KCNIP4: variants seen among roughly 807,000 people sequenced by gnomAD.
The protein encoded by KCNIP4 is potassium voltage-gated channel interacting protein 4, also known as Kv channel-interacting protein 4.
Under a neutral mutation model 34.0 loss-of-function variants are expected in KCNIP4, and 12 were observed. That is an observed-to-expected ratio of 0.35 (90% CI 0.23 to 0.57). The LOEUF (loss-of-function observed/expected upper bound fraction) is 0.57. Among genes scored for constraint, KCNIP4 ranks in the 20% least tolerant of loss-of-function variants. The probability of loss-of-function intolerance (pLI) is 0.83; values close to 1 mark genes in which losing one functional copy is unlikely to be tolerated. For missense variants in KCNIP4, 238 were observed against 311.7 expected (o/e 0.76, Z 1.78); for synonymous variants, 124 against 102.2 (o/e 1.21, Z -1.29).
At chr4:21,901,407 T>C (rs1359811302) in intron 1 of KCNIP4, among the ~76,000 whole-genome samples, 4 of 152,210 alleles carry the variant, frequency 2.6e-5, no homozygotes, top group Non-Finnish European at 4.4e-5. Flanking sequence ...TTTATATACA[T>C]AAAATAAGAG....
intron 1 of KCNIP4, among the ~76,000 whole-genome samples, chr4:21,771,482 T>G (rs932994317): frequency 6.6e-6 from 1 of 152,110 alleles, no homozygotes; most frequent in Non-Finnish European, 1.5e-5. Context: ...CTGTGAAGAA[T>G]GTCAATGGTA....
At chr4:20,795,830 T>C (rs187096939) in intron 3 of KCNIP4, among the ~76,000 whole-genome samples, 8 of 152,306 alleles carry the variant, frequency 5.3e-5, no homozygotes, top group Admixed American at 4.6e-4. Flanking sequence ...TTTTTCAGAG[T>C]TTAGTATTTC....
At chr4:21,915,985 G>A (rs1310822170) in intron 1 of KCNIP4, among the ~76,000 whole-genome samples, 1 of 152,194 alleles carries the variant, frequency 6.6e-6, no homozygotes, top group Non-Finnish European at 1.5e-5. Flanking sequence ...ACCAGCTGTT[G>A]TTACAAACTG....
intron 1 of KCNIP4, among the ~76,000 whole-genome samples, chr4:21,015,891 A>G (rs894309398): frequency 6.3e-5 from 9 of 142,514 alleles, no homozygotes. Flanking sequence ...TATATACAAT[A>G]TATACAATAT....
intron 1 of KCNIP4, among the ~76,000 whole-genome samples, chr4:21,064,684 T>C (rs564224592): frequency 1.0e-3 from 153 of 152,202 alleles, no homozygotes; most frequent in Non-Finnish European, 2.0e-3. Flanking sequence ...TAGTTGAGGC[T>C]GTAATAATAA....
At chr4:21,886,828 T>TTC (rs1726793726) in intron 1 of KCNIP4, among the ~76,000 whole-genome samples, 1 of 152,184 alleles carries the variant, frequency 6.6e-6, no homozygotes, top group Non-Finnish European at 1.5e-5. Context: ...CTCTTCTTTT[T>TTC]ATTTTTCATT....
chr4:21,019,463 C>A (rs895321183), intron 1 of KCNIP4, among the ~76,000 whole-genome samples: 7 of 152,044 alleles, frequency 4.6e-5, no homozygotes, highest in Non-Finnish European at 7.4e-5. Flanking sequence ...CAGCCAATAA[C>A]CTCATATTAA....
At chr4:20,932,205 AAT>A (rs1243429506) in intron 1 of KCNIP4, among the ~76,000 whole-genome samples, 5 of 98,942 alleles carry the variant, frequency 5.1e-5, no homozygotes, top group African/African-American at 2.3e-4. Flanking sequence ...TGTAGACTAT[AAT>A]AGTCTATAAG....
At chr4:21,537,840 C>A (rs937318066) in intron 1 of KCNIP4, among the ~76,000 whole-genome samples, 9 of 151,630 alleles carry the variant, frequency 5.9e-5, no homozygotes, top group African/African-American at 2.2e-4. Flanking sequence ...GATGAAACCC[C>A]ATCTCTACTA....
intron 1 of KCNIP4, among the ~76,000 whole-genome samples, chr4:21,838,004 A>T (rs1242695130): frequency 1.3e-5 from 2 of 152,190 alleles, no homozygotes; most frequent in Non-Finnish European, 2.9e-5. Context: ...TAAATAATGA[A>T]TTATTACAAA....
intron 1 of KCNIP4, among the ~76,000 whole-genome samples, chr4:21,386,722 C>G (rs999109302): frequency 2.0e-5 from 3 of 152,022 alleles, no homozygotes; most frequent in Non-Finnish European, 2.9e-5. Flanking sequence ...GGAGGGGACA[C>G]GACTAACATT....
chr4:21,367,729 T>C (rs1719928505), intron 1 of KCNIP4, among the ~76,000 whole-genome samples: 1 of 146,760 alleles, frequency 6.8e-6, no homozygotes, highest in Non-Finnish European at 1.5e-5. Flanking sequence ...TGTGTAGGAG[T>C]TCCTGTTAAA....
intron 1 of KCNIP4, among the ~76,000 whole-genome samples, chr4:20,985,223 A>C (rs750357529): frequency 3.3e-5 from 5 of 152,050 alleles, no homozygotes; most frequent in Non-Finnish European, 7.4e-5. Flanking sequence ...ACACTTAACC[A>C]CTCTAATAAC....
chr4:21,362,901 G>A (rs1719373451), intron 1 of KCNIP4, among the ~76,000 whole-genome samples: 1 of 152,062 alleles, frequency 6.6e-6, no homozygotes, highest in South Asian at 2.1e-4. Context: ...ACAATGGAGT[G>A]ATAAGAAAAA....
At chr4:20,895,890 G>A (rs1332824525) in intron 1 of KCNIP4, among the ~76,000 whole-genome samples, 1 of 152,182 alleles carries the variant, frequency 6.6e-6, no homozygotes, top group Non-Finnish European at 1.5e-5. Context: ...GTTCTGCTTT[G>A]GGAAAATATG....
chr4:21,738,554 A>T (rs1716175840), intron 1 of KCNIP4, among the ~76,000 whole-genome samples: 1 of 152,188 alleles, frequency 6.6e-6, no homozygotes, highest in Non-Finnish European at 1.5e-5. Flanking sequence ...TGTTACATAA[A>T]TGTTTGATAA....
At chr4:21,362,584 T>C (rs1719338409) in intron 1 of KCNIP4, among the ~76,000 whole-genome samples, 1 of 152,044 alleles carries the variant, frequency 6.6e-6, no homozygotes, top group African/African-American at 2.4e-5. Context: ...TACCTTCCTC[T>C]TGGGGTTGAG....
intron 1 of KCNIP4, among the ~76,000 whole-genome samples, chr4:21,107,550 T>C (rs2109089648): frequency 6.7e-6 from 1 of 149,758 alleles, no homozygotes; most frequent in African/African-American, 2.5e-5. Context: ...TGACTCTTTA[T>C]CCAATTTGCC....
intron 1 of KCNIP4, among the ~76,000 whole-genome samples, chr4:21,008,173 G>C (rs28583645): frequency 0.016 from 2,416 of 152,256 alleles, 70 homozygotes; most frequent in African/African-American, 0.055. Flanking sequence ...AACAAGCAAA[G>C]AAATCACATC....
Sources: gnomAD v4.1 joint callset for allele counts (sites outside exome capture counted in the v4.1 genomes callset) on GRCh38, gnomAD v4.1.1 for gene constraint, MANE v1.5 for transcripts, NCBI Gene and HGNC (gene_info 2026-07-23, HGNC 2026-07-21) for gene names.